The following TMTC1 variants were observed in gnomAD, a reference collection of about 807,000 sequenced individuals.
TMTC1 encodes the protein transmembrane O-mannosyltransferase targeting cadherins 1, also known as protein O-mannosyl-transferase TMTC1.
TMTC1 carries 73 observed loss-of-function variants against 104.8 expected under a neutral mutation model. That is an observed-to-expected ratio of 0.70 (90% CI 0.58 to 0.85). The LOEUF (loss-of-function observed/expected upper bound fraction) is 0.85, where lower values mean the gene tolerates loss of function less well. Ranked by LOEUF, TMTC1 falls within the 40% of genes least tolerant of loss-of-function variation. The probability of loss-of-function intolerance (pLI) is 0.00; values close to 1 mark genes in which losing one functional copy is unlikely to be tolerated. For synonymous variants in TMTC1, 434 were observed against 428.7 expected (o/e 1.01, Z -0.15); for missense variants, 1,035 against 1,096.1 (o/e 0.94, Z 0.79).
At position 29,501,415 on chromosome 12, in the gene TMTC1, C is replaced by T. The variant is rs145217483; in HGVS notation, c.*5431G>A. 4.5e-4 allele frequency: 69 copies of T among 152,162 alleles called. No individual in the cohort carries two copies. Among genetic ancestry groups the T allele is most frequent in the African/African-American group, 1.7e-3 (69 of 41,490 alleles). The allele number at this position is 152,162 out of a possible 1,614,324, so 9.4% of individuals were successfully genotyped here. ...ATTGAGCTTAATGGAAACATCAAAC[C>T]GACGAGTCCTTTCATGGGTGGTAAA... On this transcript the variant is annotated 3_prime_UTR_variant, in exon 18 of 18. Transcript: ENST00000539277.
chr12:29,734,288 G>A (rs1160412261), intron 5 of TMTC1, among the ~76,000 whole-genome samples: 3 of 152,298 alleles, frequency 2.0e-5, no homozygotes, highest in African/African-American at 7.2e-5. Flanking sequence ...ACCCTGCTGA[G>A]TTTGCCTGTC....
intron 5 of TMTC1, among the ~76,000 whole-genome samples, chr12:29,687,160 T>C (rs924705607): frequency 2.6e-5 from 4 of 152,222 alleles, no homozygotes; most frequent in Admixed American, 2.6e-4. Context: ...ATATATCCCA[T>C]ATTTCCACAA....
chr12:29,757,247 T>C (rs1288364973), intron 3 of TMTC1, among the ~76,000 whole-genome samples: 2 of 152,200 alleles, frequency 1.3e-5, no homozygotes, highest in African/African-American at 2.4e-5. Flanking sequence ...AAGGTCTAGA[T>C]TGGTTTGTAA....
chr12:29,779,722 G>C lies in TMTC1; in HGVS notation c.302+3728C>G, dbSNP rs75332320. On this transcript the variant is annotated intron_variant, in intron 1 of 17. Coordinates refer to ENST00000539277, the MANE Select transcript of TMTC1 (RefSeq NM_001193451.2). The stretch of plus-strand genomic sequence containing the variant: ...GGAGTATTGCACTGAGAAAGGTCCT[G>C]TGAGGAGGACAAAAAGACAAGCTAC... Among the ~76,000 whole-genome samples, 57 of 152,300 alleles carry C rather than the reference G, an allele frequency of 3.7e-4. No homozygotes were observed. The East Asian group carries it at 9.1e-3, about 24-fold the overall frequency.
chr12:29,516,356 T>C lies in TMTC1; in HGVS notation c.2300A>G (p.His767Arg), dbSNP rs773358312. The C allele has an allele frequency of 3.9e-5, 63 of 1,613,156 alleles. No homozygotes were observed. The highest frequency in any genetic ancestry group is 5.0e-5 in the Non-Finnish European group (59 of 1,179,490). The change falls in exon 15 of 18, where the codon CAC (histidine) becomes CGC (arginine). Residue 767 changes from histidine to arginine, a missense_variant. By Grantham distance (29) the His-to-Arg change is conservative (BLOSUM62 0). Coordinates refer to ENST00000539277, the MANE Select transcript of TMTC1 (RefSeq NM_001193451.2). ...AACAATGTCCTTCTTTACCTTGTCG[T>C]GGTTCTCCTGCTTGCTATAGATGGC... Reference protein sequence around the residue: ...LSAIYSKQENHDKALDAIDKA... With the variant: ...LSAIYSKQENRDKALDAIDKA...
chr12:29,715,410 T>C (rs1942048238), intron 5 of TMTC1, among the ~76,000 whole-genome samples: 1 of 152,166 alleles, frequency 6.6e-6, no homozygotes, highest in South Asian at 2.1e-4. Flanking sequence ...ACTCCAGCAA[T>C]AAATAATAGT....
At chr12:29,514,370 A>C (rs1479546404) in intron 16 of TMTC1, 112 bp downstream of exon 16, 1 of 1,183,482 alleles carries the variant, frequency 8.4e-7, no homozygotes, top group African/African-American at 1.5e-5. Flanking sequence ...CTCACTCCAT[A>C]AACATACATG....
chr12:29,522,083 A>G (rs1944184908), intron 11 of TMTC1, among the ~76,000 whole-genome samples: 1 of 152,202 alleles, frequency 6.6e-6, no homozygotes, highest in Non-Finnish European at 1.5e-5. Flanking sequence ...AAATACATAT[A>G]TGCCCTGAGT....
At chr12:29,754,082 G>T (rs57756035) in intron 4 of TMTC1, among the ~76,000 whole-genome samples, 18,607 of 151,774 alleles carry the variant, frequency 0.12, 2,581 homozygotes, top group African/African-American at 0.35. Context: ...GGCTAGGATG[G>T]TCTCTATCTC....
chr12:29,750,941 T>G (rs895172610), intron 5 of TMTC1, among the ~76,000 whole-genome samples: 1 of 152,170 alleles, frequency 6.6e-6, no homozygotes, highest in East Asian at 1.9e-4. Context: ...TATAAAAGCT[T>G]CCCCACACCC....
chr12:29,755,627 T>A, intron 4 of TMTC1, 82 bp downstream of exon 4: 1 of 1,239,236 alleles, frequency 8.1e-7, no homozygotes, highest in Admixed American at 2.4e-5. Flanking sequence ...TTATATTTTT[T>A]AAATGGAAGT....
intron 6 of TMTC1, among the ~76,000 whole-genome samples, chr12:29,632,136 A>T (rs1172728327): frequency 6.6e-6 from 1 of 152,104 alleles, no homozygotes; most frequent in Admixed American, 6.6e-5. Flanking sequence ...TCTTTCCCAA[A>T]CCAAATTTTT....
At chr12:29,721,337 T>C (rs199961032) in intron 5 of TMTC1, among the ~76,000 whole-genome samples, 29 of 34,628 alleles carry the variant, frequency 8.4e-4, no homozygotes, top group Non-Finnish European at 1.3e-3. Context: ...ACCTGAAAGA[T>C]AAAAGTTTGA....
At chr12:29,622,123 T>C (rs1224813904) in intron 6 of TMTC1, among the ~76,000 whole-genome samples, 1 of 152,214 alleles carries the variant, frequency 6.6e-6, no homozygotes, top group Non-Finnish European at 1.5e-5. Context: ...CCAATGTTCA[T>C]TCTCAAAAGA....
At chr12:29,507,567 C>T (rs1207731871) in intron 17 of TMTC1, among the ~76,000 whole-genome samples, 2 of 152,178 alleles carry the variant, frequency 1.3e-5, no homozygotes, top group African/African-American at 2.4e-5. Flanking sequence ...TGCAGGTTTG[C>T]AGCAGTATGC....
chr12:29,674,574 C>G (rs748456846), intron 5 of TMTC1, among the ~76,000 whole-genome samples: 2 of 152,214 alleles, frequency 1.3e-5, no homozygotes, highest in Non-Finnish European at 2.9e-5. Context: ...ATTCAGCATT[C>G]AACACTCTTC....
intron 5 of TMTC1, among the ~76,000 whole-genome samples, chr12:29,663,313 T>C (rs1185087625): frequency 1.3e-5 from 2 of 152,034 alleles, no homozygotes; most frequent in Admixed American, 6.6e-5. Context: ...AATGACACAG[T>C]GGAAATGGAA....
intron 5 of TMTC1, among the ~76,000 whole-genome samples, chr12:29,699,002 T>C (rs547663144): frequency 6.6e-5 from 10 of 152,318 alleles, no homozygotes; most frequent in African/African-American, 2.2e-4. Flanking sequence ...GGTGAGGTTA[T>C]AAATCTACCA....
intron 2 of TMTC1, among the ~76,000 whole-genome samples, chr12:29,763,865 G>C (rs1301656926): frequency 1.3e-5 from 2 of 152,166 alleles, no homozygotes; most frequent in African/African-American, 4.8e-5. Flanking sequence ...GGAGATACAT[G>C]GTGTGCTTCT....
Sources: gnomAD v4.1 joint callset for allele counts (sites outside exome capture counted in the v4.1 genomes callset) on GRCh38, gnomAD v4.1.1 for gene constraint, MANE v1.5 for transcripts, NCBI Gene and HGNC (gene_info 2026-07-23, HGNC 2026-07-21) for gene names.